Variants in POLR2M observed in about 807,000 individuals in gnomAD.
POLR2M encodes protein GRINL1A.
In POLR2M, 30 loss-of-function variants were observed where a neutral mutation model predicts 34.6. The ratio of observed to expected loss-of-function variants is 0.87; its 90% confidence interval spans 0.65 to 1.18. The LOEUF (loss-of-function observed/expected upper bound fraction) is 1.18, where lower values mean the gene tolerates loss of function less well. Ranked by LOEUF, POLR2M falls within the 50% of genes most tolerant of loss-of-function variation. The probability of loss-of-function intolerance (pLI) is 0.00; values close to 1 mark genes in which losing one functional copy is unlikely to be tolerated. For missense variants in POLR2M, 432 were observed against 448.7 expected (o/e 0.96, Z 0.34); for synonymous variants, 150 against 166.7 (o/e 0.90, Z 0.77).
chr15:57,713,311 T>G (rs1296652670), intron 3 of POLR2M, among the ~76,000 whole-genome samples: 1 of 152,228 alleles, frequency 6.6e-6, no homozygotes, highest in Non-Finnish European at 1.5e-5. Flanking sequence ...TTTCTTTCAG[T>G]GCATTAAAAT....
chr15:57,708,610 A>C, intron 1 of POLR2M, 104 bp from the exon 2 acceptor site: 2 of 1,115,010 alleles, frequency 1.8e-6, no homozygotes, highest in Non-Finnish European at 2.5e-6. Flanking sequence ...TTTGACTTAA[A>C]AATCAGCTTT....
intron 3 of POLR2M, among the ~76,000 whole-genome samples, chr15:57,713,363 GTC>G (rs1254714510): frequency 6.6e-6 from 1 of 152,026 alleles, no homozygotes; most frequent in African/African-American, 2.4e-5. Flanking sequence ...AGTGTTTACT[GTC>G]TCTGAGCTCT....
chr15:57,706,981 C>T (rs1435748900), intron 1 of POLR2M, 26 bp downstream of exon 1: 1 of 1,563,686 alleles, frequency 6.4e-7, no homozygotes, highest in Non-Finnish European at 8.7e-7. Context: ...GCGGAGTCTC[C>T]GCCAGGCTCC....
chr15:57,708,704 C>T lies in POLR2M; in HGVS notation c.114-10C>T, dbSNP rs2040587950. ...GCTGTAATGTAATAGTATTCTTTTCCATTTGACAGAAAATTCATTTGCAAA... is the reference window on the plus strand; with the variant it reads ...GCTGTAATGTAATAGTATTCTTTTCTATTTGACAGAAAATTCATTTGCAAA... On this transcript the variant is annotated splice_polypyrimidine_tract_variant and intron_variant, in intron 1 of 3. Coordinates refer to ENST00000299638, the MANE Select transcript of POLR2M (RefSeq NM_015532.5). 2 of 1,565,288 alleles carry T rather than the reference C, an allele frequency of 1.3e-6. No individual in the cohort carries two copies. The highest frequency in any genetic ancestry group is 2.0e-5 in the Admixed American group (1 of 51,234).
chr15:57,709,823 C>T (rs2040639483), intron 2 of POLR2M, among the ~76,000 whole-genome samples: 1 of 151,962 alleles, frequency 6.6e-6, no homozygotes, highest in Non-Finnish European at 1.5e-5. Context: ...TTTTAGTGTA[C>T]AGCTTTGATT....
Position 57,706,969 on chromosome 15 carries a change from C to T in POLR2M, c.113+14C>T, listed in dbSNP as rs757097112. On this transcript the variant is annotated intron_variant, in intron 1 of 3. Coordinates refer to ENST00000299638, the MANE Select transcript of POLR2M (RefSeq NM_015532.5). ...TTTGCGCAACGAGTAAGCTGGGGTC[C>T]CGCGGAGTCTCCGCCAGGCTCCTTC... The T allele has an allele frequency of 1.8e-5, 28 of 1,576,734 alleles. No individual in the cohort carries two copies. The Admixed American group carries it at 3.7e-4, about 21-fold the overall frequency.
chr15:57,707,301 G>T, intron 1 of POLR2M: 1 of 745,130 alleles, frequency 1.3e-6, no homozygotes, highest in Admixed American at 2.3e-5. Flanking sequence ...ATAACAGATT[G>T]TCAGCTTCAT....
chr15:57,709,199 C>T lies in POLR2M; in HGVS notation c.599C>T (p.Thr200Ile), dbSNP rs754922283. 4 of 1,614,186 alleles carry T rather than the reference C, an allele frequency of 2.5e-6. No individual in the cohort carries two copies. The highest frequency in any genetic ancestry group is 2.2e-5 in the South Asian group (2 of 91,078). Residue 200 changes from threonine (T) to isoleucine (I), a missense_variant, in exon 2 of 4, where the codon ACC (threonine) becomes ATC (isoleucine). Transcript: ENST00000299638. The part of the protein sequence containing the change: ...NLFIDRLQRI[T>I]IADQGEQQSE... ...TTTATTGACAGGTTACAGAGGATCA[C>T]CATTGCGGACCAAGGTGAACAACAG...
At chr15:57,707,613 A>C (rs1432519397) in intron 1 of POLR2M, 1 of 442,678 alleles carries the variant, frequency 2.3e-6, no homozygotes. Flanking sequence ...TTAAGCATGG[A>C]CTAATTTAAA....
At chr15:57,710,777 TAGAGG>T (rs1299000840) in intron 2 of POLR2M, among the ~76,000 whole-genome samples, 1 of 152,136 alleles carries the variant, frequency 6.6e-6, no homozygotes, top group East Asian at 1.9e-4. Flanking sequence ...CTGTATAAGT[TAGAGG>T]AGAACAGGAA....
Position 57,709,192 on chromosome 15 carries a change from A to C in POLR2M, c.592A>C (p.Arg198=). ...FDNLFIDRLQ[R]ITIADQGEQQ... is the part of the protein sequence containing the mutation. ...CAACCTGTTTATTGACAGGTTACAG[A>C]GGATCACCATTGCGGACCAAGGTGA... The change falls in exon 2 of 4, where the codon AGG becomes CGG. Residue 198 remains arginine (R), a synonymous_variant. Transcript: ENST00000299638. 1 of 1,614,248 alleles carries C rather than the reference A, an allele frequency of 6.2e-7. No homozygotes were observed. Among genetic ancestry groups the C allele is most frequent in the South Asian group, 1.1e-5 (1 of 91,084 alleles).
chr15:57,710,605 A>C (rs1315872312), intron 2 of POLR2M, among the ~76,000 whole-genome samples: 1 of 152,238 alleles, frequency 6.6e-6, no homozygotes, highest in East Asian at 1.9e-4. Flanking sequence ...TTCCAGGATG[A>C]CATTTTAGAA....
At chr15:57,714,083 G>A (rs2040849933) in intron 3 of POLR2M, among the ~76,000 whole-genome samples, 2 of 151,936 alleles carry the variant, frequency 1.3e-5, no homozygotes, top group Admixed American at 6.6e-5. Context: ...TCCTGACCTC[G>A]TGATCCGCCT....
chr15:57,707,295 C>T (rs1173086670), intron 1 of POLR2M: 4 of 761,828 alleles, frequency 5.3e-6, no homozygotes, highest in Non-Finnish European at 8.6e-6. Context: ...TAACCCATAA[C>T]AGATTGTCAG....
chr15:57,708,354 A>T (rs1388122024), intron 1 of POLR2M, among the ~76,000 whole-genome samples: 1 of 152,202 alleles, frequency 6.6e-6, no homozygotes, highest in Admixed American at 6.5e-5. Flanking sequence ...TTTTGACCTA[A>T]TAGGCCCATC....
intron 2 of POLR2M, among the ~76,000 whole-genome samples, 176 bp downstream of exon 2, chr15:57,709,534 AC>A (rs1346898418): frequency 6.6e-6 from 1 of 152,074 alleles, no homozygotes. Context: ...ATATAATAAG[AC>A]CTTTTCTCTT....
rs751726826 is a variant in POLR2M at position 57,706,837 on chromosome 15, C to T, written c.-6C>T. On this transcript the variant is annotated 5_prime_UTR_variant, in exon 1 of 4. Transcript: ENST00000299638. The stretch of plus-strand genomic sequence containing the variant: ...CCGCCGCCGCGCCAGCCTCAGCCCG[C>T]GCAGAATGTGCTCGCTGCCCCGCGG... 14 of 1,559,444 alleles carry T rather than the reference C, an allele frequency of 9.0e-6. No homozygotes were observed. The highest frequency in any genetic ancestry group is 2.4e-5 in the East Asian group (1 of 41,844).
chr15:57,714,793 A>G lies in POLR2M; in HGVS notation c.*114A>G. The G allele has an allele frequency of 2.0e-6, 3 of 1,492,154 alleles. No individual in the cohort carries two copies. The highest frequency in any genetic ancestry group is 2.7e-6 in the Non-Finnish European group (3 of 1,115,518). The allele number at this position is 1,492,154 out of a possible 1,614,324, so 92.4% of individuals were successfully genotyped here. On this transcript the variant is annotated 3_prime_UTR_variant, in exon 4 of 4. Coordinates refer to ENST00000299638, the MANE Select transcript of POLR2M (RefSeq NM_015532.5). ...GAGGGAAGTAATTTTATAAAGTTAC[A>G]CAAAGGTAGTTATAAAAAAAGCCCA...
chr15:57,709,366 C>T lies in POLR2M; in HGVS notation c.758+8C>T, dbSNP rs2040621372. On this transcript the variant is annotated splice_region_variant and intron_variant, in intron 2 of 3. Transcript: ENST00000299638. The stretch of plus-strand genomic sequence containing the variant: ...TAAATTTAAAACCAATGTGTAAGTA[C>T]CCTCGGAAACAGGCCTGTAACAGGA... The T allele has an allele frequency of 3.1e-6, 5 of 1,602,778 alleles. No individual in the cohort carries two copies. Among genetic ancestry groups the T allele is most frequent in the Non-Finnish European group, 4.3e-6 (5 of 1,174,240 alleles).
Sources: gnomAD v4.1 joint callset for allele counts (sites outside exome capture counted in the v4.1 genomes callset) on GRCh38, gnomAD v4.1.1 for gene constraint, MANE v1.5 for transcripts, NCBI Gene and HGNC (gene_info 2026-07-23, HGNC 2026-07-21) for gene names.